The following ZC3H18 variants were observed in gnomAD, a reference collection of about 807,000 sequenced individuals.
The protein encoded by ZC3H18 is zinc finger CCCH-type containing 18.
A neutral mutation model predicts 106.1 loss-of-function variants in ZC3H18; 8 were observed. The ratio of observed to expected loss-of-function variants is 0.08; its 90% CI spans 0.04 to 0.14. The LOEUF (loss-of-function observed/expected upper bound fraction) is 0.14. Among genes scored for constraint, ZC3H18 ranks in the 10% least tolerant of loss-of-function variants. ZC3H18 has a pLI of 1.00. For missense variants in ZC3H18, 1,318 were observed against 1,278.4 expected (o/e 1.03, Z -0.47); for synonymous variants, 635 against 522.1 (o/e 1.22, Z -2.95).
At chr16:88,592,092 C>T (rs1915791347) in intron 3 of ZC3H18, among the ~76,000 whole-genome samples, 1 of 152,228 alleles carries the variant, frequency 6.6e-6, no homozygotes, top group Non-Finnish European at 1.5e-5. Context: ...TTTGAGGAGC[C>T]GCCAAGCTGT....
At chr16:88,578,931 G>T (rs765983476) in intron 2 of ZC3H18, among the ~76,000 whole-genome samples, 1 of 152,134 alleles carries the variant, frequency 6.6e-6, no homozygotes, top group Admixed American at 6.6e-5. Flanking sequence ...CAGGTGATCC[G>T]GCCGTCTCAG....
rs1461335430 is a variant in ZC3H18, at chr16:88,631,317, C to G, written c.*18C>G. On this transcript the variant is annotated 3_prime_UTR_variant, in exon 18 of 18. Coordinates refer to ENST00000301011, the MANE Select transcript of ZC3H18 (RefSeq NM_144604.4). ...AAGCATAGGCCGTGCCCCGACCGGA[C>G]TGGACGCATTTTTATACATAGGGTA... is the stretch of plus-strand genomic sequence containing the variant. 6.4e-7 allele frequency: 1 copy of G among 1,558,382 alleles called. No homozygotes were observed. The highest frequency in any genetic ancestry group is 8.7e-7 in the Non-Finnish European group (1 of 1,150,836).
At chr16:88,572,180 T>C (rs539674424) in intron 1 of ZC3H18, among the ~76,000 whole-genome samples, 1 of 152,368 alleles carries the variant, frequency 6.6e-6, no homozygotes, top group African/African-American at 2.4e-5. Context: ...AGAAGACTTC[T>C]TTAGGCTTGG....
chr16:88,582,561 CGT>C (rs1329544349), intron 2 of ZC3H18, among the ~76,000 whole-genome samples: 1 of 152,088 alleles, frequency 6.6e-6, no homozygotes. Context: ...GGTTCTCTTC[CGT>C]GTCACTGATA....
At chr16:88,603,349 G>T (rs908437908) in intron 6 of ZC3H18, among the ~76,000 whole-genome samples, 4 of 151,476 alleles carry the variant, frequency 2.6e-5, no homozygotes, top group African/African-American at 9.7e-5. Context: ...GGCCGGGCAC[G>T]GTGGCTCACG....
chr16:88,584,295 A>C (rs1915310325), intron 2 of ZC3H18, among the ~76,000 whole-genome samples: 1 of 151,946 alleles, frequency 6.6e-6, no homozygotes, highest in Non-Finnish European at 1.5e-5. Context: ...GATGTCGGGC[A>C]CCTGTAATCC....
chr16:88,623,308 C>G lies in ZC3H18; in HGVS notation c.1757C>G (p.Ser586Cys), dbSNP rs936309510. 4 of 1,613,902 alleles carry G rather than the reference C, an allele frequency of 2.5e-6. No homozygotes were observed. Among genetic ancestry groups the G allele is most frequent in the Non-Finnish European group, 1.7e-6 (2 of 1,179,988 alleles). The change falls in exon 10 of 18, where the codon TCT becomes TGT. Residue 586 changes from serine to cysteine, a missense_variant. Ser to Cys is a moderately radical substitution (Grantham distance 112, BLOSUM62 -1). This residue lies in a region of ZC3H18 where 848 missense variants were observed against 821.7 expected (regional missense o/e 1.03). Transcript: ENST00000301011. ...TCCTACAGCTCCTACTCCAGCCGCT[C>G]TTCCAGACACAGCTCGTTCTCAGGA... ...SSSYSSYSSRSSRHSSFSGSR... is the reference protein window; with the variant it reads ...SSSYSSYSSRCSRHSSFSGSR...
At chr16:88,605,809 A>T (rs897452303) in intron 6 of ZC3H18, among the ~76,000 whole-genome samples, 4 of 152,208 alleles carry the variant, frequency 2.6e-5, no homozygotes, top group African/African-American at 9.7e-5. Flanking sequence ...TTCACCTGCC[A>T]TGCCTCTCCC....
At position 88,627,417 on chromosome 16, in the gene ZC3H18, A is replaced by G; in HGVS notation, c.2109-205A>G. On this transcript the variant is annotated intron_variant, in intron 13 of 17. Coordinates refer to ENST00000301011, the MANE Select transcript of ZC3H18 (RefSeq NM_144604.4). The surrounding 1 kb of genome is among the most constrained non-coding windows in gnomAD (Gnocchi z 4.5). Reference sequence around the variant, plus strand: ...CGTGCCTGGCTGCAACCTGACATTGATTAGTGAAATGGGGCCCTGGCCTAG... The same window carrying G: ...CGTGCCTGGCTGCAACCTGACATTGGTTAGTGAAATGGGGCCCTGGCCTAG... The G allele has an allele frequency of 1.8e-6, 1 of 563,700 alleles. No homozygotes were observed. The highest frequency in any genetic ancestry group is 3.0e-6 in the Non-Finnish European group (1 of 336,160). The allele number at this position is 563,700 out of a possible 1,614,324, so 34.9% of individuals were successfully genotyped here.
intron 2 of ZC3H18, among the ~76,000 whole-genome samples, chr16:88,583,357 G>GGCGCGCTTGCT (rs1915248809): frequency 6.6e-6 from 1 of 152,262 alleles, no homozygotes; most frequent in African/African-American, 2.4e-5. Context: ...GGAGGACTCA[G>GGCGCGCTTGCT]GCGCGCTTGC....
At chr16:88,581,545 G>A (rs183640411) in intron 2 of ZC3H18, among the ~76,000 whole-genome samples, 3 of 152,340 alleles carry the variant, frequency 2.0e-5, no homozygotes, top group African/African-American at 7.2e-5. Context: ...GCGTGGTGGG[G>A]TGGAAAGTTT....
rs991674757 is a variant in ZC3H18 at position 88,582,448 on chromosome 16, T to A, written c.604-4152T>A. Reference sequence around the variant, plus strand: ...CATCTTGGCCAGGCTGGTCTTGACCTCCTGACCTCGTGATCCACCCGCCTT... The same window carrying A: ...CATCTTGGCCAGGCTGGTCTTGACCACCTGACCTCGTGATCCACCCGCCTT... On this transcript the variant is annotated intron_variant, in intron 2 of 17. Transcript: ENST00000301011. 2.0e-5 allele frequency among the ~76,000 whole-genome samples: 3 copies of A among 152,104 alleles called. No homozygotes were observed. In the East Asian group the frequency reaches 5.8e-4, roughly 29 times the overall value.
Position 88,611,609 on chromosome 16 carries a change from C to T in ZC3H18, c.1475+73C>T, listed in dbSNP as rs532979714. ...GCAGCTCTGTACCTAGTCCCCCTGG[C>T]CTGCGCTTCCCCTCTGTGGCCCACA... On this transcript the variant is annotated intron_variant, in intron 8 of 17. Transcript: ENST00000301011. 8.7e-6 allele frequency: 13 copies of T among 1,498,906 alleles called. No homozygotes were observed. The East Asian group carries it at 3.0e-4, about 34-fold the overall frequency. The allele number at this position is 1,498,906 out of a possible 1,614,324, so 92.9% of individuals were successfully genotyped here.
At chr16:88,616,538 T>G (rs750516751) in intron 8 of ZC3H18, among the ~76,000 whole-genome samples, 4 of 152,216 alleles carry the variant, frequency 2.6e-5, no homozygotes, top group East Asian at 1.9e-4. Flanking sequence ...GCTACCTGCC[T>G]GGAGGACAAG....
At chr16:88,582,304 A>G (rs559649295) in intron 2 of ZC3H18, among the ~76,000 whole-genome samples, 1 of 127,782 alleles carries the variant, frequency 7.8e-6, no homozygotes, top group Non-Finnish European at 1.5e-5. Context: ...GGCTCACTGC[A>G]ACCTCTGCCT....
chr16:88,619,482 C>A (rs1041106335), intron 8 of ZC3H18, among the ~76,000 whole-genome samples: 6 of 152,038 alleles, frequency 3.9e-5, no homozygotes, highest in Admixed American at 2.0e-4. Context: ...CGTCCACAGC[C>A]CTGGCCCAGA....
rs1308185247 is a variant in ZC3H18, at chr16:88,596,660, A to G, written c.689-1518A>G. On this transcript the variant is annotated intron_variant, in intron 3 of 17. Transcript: ENST00000301011. ...GAGTGAGACTCCATCTGAAAAAAAA[A>G]GGAAAAGGAGTACAGAAAAGCTGTG... is the stretch of plus-strand genomic sequence containing the variant. Among the ~76,000 whole-genome samples, 3 of 152,248 alleles carry G rather than the reference A, an allele frequency of 2.0e-5. No homozygotes were observed. The East Asian group carries it at 5.8e-4, about 29-fold the overall frequency.
At chr16:88,586,817 G>C in intron 3 of ZC3H18, 133 bp downstream of exon 3, 1 of 635,202 alleles carries the variant, frequency 1.6e-6, no homozygotes, top group South Asian at 1.8e-5. Flanking sequence ...AGGTGGTGGT[G>C]GTGGTGGTGG....
In ZC3H18 at chr16:88,625,208, G is replaced by T. The variant is rs139603213; in HGVS notation, c.2049G>T (p.Thr683=). 5.7e-4 allele frequency: 900 copies of T among 1,588,968 alleles called. 6 individuals are homozygous for T. In the South Asian group the frequency reaches 6.5e-3, roughly 12 times the overall value. The change falls in exon 13 of 18, where the codon ACG becomes ACT. Residue 683 remains threonine, a synonymous_variant. Coordinates refer to ENST00000301011, the MANE Select transcript of ZC3H18 (RefSeq NM_144604.4). ...RPARTPPRRR[T]LSGSGSGSGS... is the part of the protein sequence containing the mutation. The stretch of plus-strand genomic sequence containing the variant: ...GCTGTTGCTTGTATTACAGGCGGAC[G>T]CTAAGCGGCAGCGGCAGTGGCAGTG...
Sources: allele counts gnomAD v4.1 joint callset (sites outside exome capture counted in the v4.1 genomes callset), GRCh38; gene constraint gnomAD v4.1.1; regional missense constraint gnomAD v4.1.1; non-coding constraint Gnocchi (gnomAD v3.1); transcripts MANE v1.5; gene names NCBI Gene and HGNC (gene_info 2026-07-23, HGNC 2026-07-21).